The following PDE11A variants were observed in gnomAD, a reference collection of about 807,000 sequenced individuals.
PDE11A encodes the protein phosphodiesterase 11A, also known as dual 3',5'-cyclic-AMP and -GMP phosphodiesterase 11A.
In PDE11A, 100 loss-of-function variants were observed where a neutral mutation model predicts 100.5. The ratio of observed to expected loss-of-function variants is 1.00; its 90% confidence interval spans 0.85 to 1.18. The LOEUF (loss-of-function observed/expected upper bound fraction) is 1.18. Ranked by LOEUF, PDE11A falls within the 50% of genes most tolerant of loss-of-function variation. The probability of loss-of-function intolerance (pLI) is 0.00; values close to 1 mark genes in which losing one functional copy is unlikely to be tolerated. For missense variants in PDE11A, 1,141 were observed against 1,152.6 expected, an observed-to-expected ratio of 0.99 and a Z score of 0.15; for synonymous variants, 381 against 420.8, an observed-to-expected ratio of 0.91 and a Z score of 1.16.
At chr2:177,645,850 GTAA>G (rs2080217139) in intron 19 of PDE11A, among the ~76,000 whole-genome samples, 1 of 152,220 alleles carries the variant, frequency 6.6e-6, no homozygotes, top group Non-Finnish European at 1.5e-5. Context: ...TATACTATTA[GTAA>G]TAAGTTAGGA....
chr2:177,656,802 T>G (rs2080392305), intron 19 of PDE11A, among the ~76,000 whole-genome samples: 2 of 152,172 alleles, frequency 1.3e-5, no homozygotes, highest in Non-Finnish European at 2.9e-5. Flanking sequence ...GCTGGTGTCT[T>G]CCAGGCACAT....
intron 2 of PDE11A, among the ~76,000 whole-genome samples, chr2:177,986,169 T>G (rs1425625976): frequency 6.6e-6 from 1 of 152,178 alleles, no homozygotes; most frequent in East Asian, 1.9e-4. Flanking sequence ...AAAACACACC[T>G]GTTATCATCT....
chr2:178,068,149 T>G (rs766724653), intron 1 of PDE11A, among the ~76,000 whole-genome samples: 6 of 152,156 alleles, frequency 3.9e-5, no homozygotes, highest in Non-Finnish European at 7.4e-5. Flanking sequence ...TATATTAAAG[T>G]GGACTGTTAA....
chr2:178,039,240 G>A lies in PDE11A; in HGVS notation c.913-24780C>T, dbSNP rs554790335. 4.6e-5 allele frequency among the ~76,000 whole-genome samples: 7 copies of A among 152,310 alleles called. No individual in the cohort carries two copies. The East Asian group carries it at 1.4e-3, about 29-fold the overall frequency. ...ATGTCTTTTTGCTGGAACATGGATA[G>A]AGCTGGAAGCTATTATTATTAGCAA... On this transcript the variant is annotated intron_variant, in intron 1 of 19. Transcript: ENST00000286063.
chr2:177,743,023 C>T (rs1448269804), intron 10 of PDE11A, among the ~76,000 whole-genome samples: 3 of 152,174 alleles, frequency 2.0e-5, no homozygotes, highest in African/African-American at 4.8e-5. Context: ...TTCTGGAATT[C>T]GTGGGTAATG....
At chr2:177,746,136 C>T (rs1415331480) in intron 10 of PDE11A, among the ~76,000 whole-genome samples, 1 of 152,134 alleles carries the variant, frequency 6.6e-6, no homozygotes, top group Non-Finnish European at 1.5e-5. Context: ...TGCATATCAT[C>T]ATAATCATCA....
At chr2:177,658,217 TC>T (rs1489043185) in intron 19 of PDE11A, among the ~76,000 whole-genome samples, 1 of 152,102 alleles carries the variant, frequency 6.6e-6, no homozygotes, top group Non-Finnish European at 1.5e-5. Context: ...ATAGGTGAGT[TC>T]CCTGGTACCT....
At chr2:177,814,322 T>A (rs540826642) in intron 9 of PDE11A, among the ~76,000 whole-genome samples, 13 of 152,240 alleles carry the variant, frequency 8.5e-5, no homozygotes, top group African/African-American at 2.9e-4. Flanking sequence ...AATATACGTA[T>A]ATCTCATTCC....
chr2:177,675,040 T>C (rs777244018), intron 17 of PDE11A, among the ~76,000 whole-genome samples: 7 of 152,142 alleles, frequency 4.6e-5, no homozygotes, highest in Non-Finnish European at 1.0e-4. Flanking sequence ...AGGTTTCTGA[T>C]ATCTAAATAA....
At chr2:177,847,401 C>A (rs1002835376) in intron 5 of PDE11A, among the ~76,000 whole-genome samples, 1 of 152,158 alleles carries the variant, frequency 6.6e-6, no homozygotes, top group African/African-American at 2.4e-5. Context: ...ATATCAAAGG[C>A]CAACAAATCC....
chr2:177,770,838 T>C (rs1413349368), intron 9 of PDE11A, among the ~76,000 whole-genome samples: 1 of 152,252 alleles, frequency 6.6e-6, no homozygotes, highest in Non-Finnish European at 1.5e-5. Flanking sequence ...TGTTGTGGTT[T>C]TGTTTTTGAG....
intron 2 of PDE11A, among the ~76,000 whole-genome samples, chr2:178,008,895 A>G (rs1357471347): frequency 6.6e-6 from 1 of 152,206 alleles, no homozygotes; most frequent in Non-Finnish European, 1.5e-5. Context: ...CTGAATCATG[A>G]GCTGAAGAGA....
chr2:177,915,423 G>A (rs1183272074), intron 2 of PDE11A, among the ~76,000 whole-genome samples: 1 of 152,144 alleles, frequency 6.6e-6, no homozygotes, highest in East Asian at 1.9e-4. Flanking sequence ...TTTCCAGAAT[G>A]TCACATAGTT....
chr2:177,708,236 ATTT>A (rs5836623), intron 13 of PDE11A, among the ~76,000 whole-genome samples: 116,145 of 151,876 alleles, frequency 0.76, 44,489 homozygotes, highest in East Asian at 0.84. Flanking sequence ...CATCAATGAC[ATTT>A]GATTGAATTT....
At chr2:177,920,436 T>C (rs1312182044) in intron 2 of PDE11A, among the ~76,000 whole-genome samples, 1 of 152,062 alleles carries the variant, frequency 6.6e-6, no homozygotes, top group African/African-American at 2.4e-5. Flanking sequence ...AGGACACTAA[T>C]TATCAAAGAA....
At chr2:177,740,540 G>A (rs1413948647) in intron 10 of PDE11A, among the ~76,000 whole-genome samples, 1 of 152,168 alleles carries the variant, frequency 6.6e-6, no homozygotes, top group Non-Finnish European at 1.5e-5. Flanking sequence ...AAGTAACTGA[G>A]GTTAAGAAGA....
intron 5 of PDE11A, among the ~76,000 whole-genome samples, chr2:177,845,469 T>G (rs1205261591): frequency 3.6e-5 from 5 of 139,958 alleles, no homozygotes; most frequent in Admixed American, 7.1e-5. Context: ...TTCCTAGATG[T>G]GATGGCGGCC....
chr2:177,713,119 C>T (rs1055370192), intron 12 of PDE11A, among the ~76,000 whole-genome samples: 1 of 152,100 alleles, frequency 6.6e-6, no homozygotes, highest in Non-Finnish European at 1.5e-5. Flanking sequence ...AGTGATTCTC[C>T]TGCCTCAGCT....
chr2:177,945,740 C>G (rs1171392358), intron 2 of PDE11A, among the ~76,000 whole-genome samples: 1 of 150,896 alleles, frequency 6.6e-6, no homozygotes, highest in African/African-American at 2.4e-5. Context: ...GGGGGGTCAG[C>G]CCCCCGCCCG....
Sources: allele counts gnomAD v4.1 joint callset (sites outside exome capture counted in the v4.1 genomes callset), GRCh38; gene constraint gnomAD v4.1.1; transcripts MANE v1.5; gene names NCBI Gene and HGNC (gene_info 2026-07-23, HGNC 2026-07-21).